Variants in EHBP1 observed in about 807,000 individuals in gnomAD.
EHBP1 encodes EH domain-binding protein 1.
In EHBP1, 55 loss-of-function variants were observed where a neutral mutation model predicts 144.0. That is an observed-to-expected ratio of 0.38 (90% CI 0.31 to 0.48). EHBP1 has a LOEUF of 0.48. Among genes scored for constraint, EHBP1 ranks in the 20% least tolerant of loss-of-function variants. The probability of loss-of-function intolerance (pLI) is 0.98; values close to 1 mark genes in which losing one functional copy is unlikely to be tolerated. For synonymous variants in EHBP1, 469 were observed against 472.7 expected, an observed-to-expected ratio of 0.99 and a Z score of 0.10; for missense variants, 1,200 against 1,364.2, an observed-to-expected ratio of 0.88 and a Z score of 1.90.
intron 5 of EHBP1, among the ~76,000 whole-genome samples, chr2:62,780,844 A>T (rs1239679196): frequency 6.6e-6 from 1 of 152,212 alleles, no homozygotes; most frequent in African/African-American, 2.4e-5. Flanking sequence ...TACTGTTTTC[A>T]TACTATTACA....
At chr2:62,738,070 C>CT (rs1401257039) in intron 2 of EHBP1, among the ~76,000 whole-genome samples, 2 of 151,884 alleles carry the variant, frequency 1.3e-5, no homozygotes, top group South Asian at 2.1e-4. Flanking sequence ...TGGCCTTTGT[C>CT]TTTTTTTTAG....
At chr2:62,951,508 A>C (rs988216258) in intron 13 of EHBP1, among the ~76,000 whole-genome samples, 8 of 142,618 alleles carry the variant, frequency 5.6e-5, no homozygotes, top group African/African-American at 2.0e-4. Flanking sequence ...GTCATATTCA[A>C]TACAAATTTT....
chr2:62,994,817 G>T (rs1192477375), intron 18 of EHBP1, among the ~76,000 whole-genome samples: 4 of 152,072 alleles, frequency 2.6e-5, no homozygotes, highest in Non-Finnish European at 4.4e-5. Context: ...CCTGGAAAGG[G>T]ATGAGCTAGA....
intron 15 of EHBP1, among the ~76,000 whole-genome samples, chr2:62,989,063 G>C (rs1223313856): frequency 6.6e-6 from 1 of 152,080 alleles, no homozygotes; most frequent in Non-Finnish European, 1.5e-5. Context: ...TTGCTAAATA[G>C]AAGTCAGTAT....
At chr2:62,804,383 G>A (rs759200052) in intron 5 of EHBP1, among the ~76,000 whole-genome samples, 6 of 152,160 alleles carry the variant, frequency 3.9e-5, no homozygotes, top group African/African-American at 7.2e-5. Flanking sequence ...TCAGTAAATG[G>A]TACTGGGACT....
chr2:62,782,078 C>T (rs2042461534), intron 5 of EHBP1, among the ~76,000 whole-genome samples: 2 of 152,192 alleles, frequency 1.3e-5, no homozygotes, highest in Non-Finnish European at 2.9e-5. Context: ...AACTCTGAAA[C>T]CCATGCATTT....
intron 3 of EHBP1, among the ~76,000 whole-genome samples, chr2:62,751,895 T>A (rs1435437233): frequency 3.3e-5 from 5 of 152,214 alleles, no homozygotes; most frequent in African/African-American, 1.2e-4. Flanking sequence ...TTAGTCTTGC[T>A]AGCGGTCTAT....
At chr2:62,850,807 G>A (rs937675002) in intron 7 of EHBP1, among the ~76,000 whole-genome samples, 3 of 151,912 alleles carry the variant, frequency 2.0e-5, no homozygotes, top group South Asian at 2.1e-4. Flanking sequence ...AATTTTTTCC[G>A]ATTGTAAAAG....
intron 19 of EHBP1, among the ~76,000 whole-genome samples, chr2:63,000,624 G>C (rs1393045347): frequency 1.3e-5 from 2 of 152,102 alleles, no homozygotes; most frequent in African/African-American, 2.4e-5. Flanking sequence ...TTGAACCTGG[G>C]TAGCGGAGGT....
intron 14 of EHBP1, among the ~76,000 whole-genome samples, chr2:62,957,004 C>G (rs1469966450): frequency 1.3e-5 from 2 of 152,148 alleles, no homozygotes; most frequent in African/African-American, 4.8e-5. Context: ...TATGATCTAG[C>G]TTTTCTTAAA....
In EHBP1 at chr2:62,707,026, T is replaced by C; in HGVS notation, c.-166T>C. 1 of 592,492 alleles carries C rather than the reference T, an allele frequency of 1.7e-6. No individual in the cohort carries two copies. The highest frequency in any genetic ancestry group is 2.9e-5 in the East Asian group (1 of 34,054). 36.7% of individuals were successfully genotyped at this position (592,492 alleles called of 1,614,324 possible). ...TGGGCCATTCATCTAAGATGGGATT[T>C]ACCCTGTGAAACAGGGAGAAGACTT... On this transcript the variant is annotated 5_prime_UTR_variant, in exon 2 of 23. Transcript: ENST00000431489.
At chr2:62,801,527 A>T (rs1233531232) in intron 5 of EHBP1, among the ~76,000 whole-genome samples, 1 of 152,208 alleles carries the variant, frequency 6.6e-6, no homozygotes, top group Non-Finnish European at 1.5e-5. Context: ...AATGCATTTG[A>T]TCAACATTTA....
At chr2:63,025,297 T>G (rs1208729327) in intron 19 of EHBP1, among the ~76,000 whole-genome samples, 2 of 152,206 alleles carry the variant, frequency 1.3e-5, no homozygotes, top group Admixed American at 1.3e-4. Context: ...GGTTTTGATC[T>G]GTCACCCAGG....
At chr2:62,904,858 A>G (rs1391255750) in intron 10 of EHBP1, among the ~76,000 whole-genome samples, 1 of 152,146 alleles carries the variant, frequency 6.6e-6, no homozygotes, top group Non-Finnish European at 1.5e-5. Flanking sequence ...GTGTCTTACC[A>G]TATGCTAGGA....
At chr2:62,771,525 A>G in intron 5 of EHBP1, 133 bp downstream of exon 5, 1 of 622,584 alleles carries the variant, frequency 1.6e-6, no homozygotes, top group Non-Finnish European at 2.7e-6. Context: ...AGCTTTTAGA[A>G]TGTTTTTAAT....
chr2:62,929,332 C>CATACT (rs1017952663), intron 10 of EHBP1, among the ~76,000 whole-genome samples: 10 of 152,132 alleles, frequency 6.6e-5, no homozygotes, highest in African/African-American at 1.9e-4. Context: ...TCCTCAATGT[C>CATACT]ATACTAGCAA....
At chr2:62,841,030 G>A (rs910965344) in intron 7 of EHBP1, among the ~76,000 whole-genome samples, 3 of 152,056 alleles carry the variant, frequency 2.0e-5, no homozygotes, top group East Asian at 3.9e-4. Flanking sequence ...GCTATAAAGA[G>A]ACATGCACAC....
chr2:62,944,925 C>G (rs936436140), intron 12 of EHBP1, among the ~76,000 whole-genome samples: 6 of 152,214 alleles, frequency 3.9e-5, no homozygotes, highest in Non-Finnish European at 1.5e-5. Context: ...AACAGGAGTT[C>G]TTAACCTGTG....
intron 5 of EHBP1, among the ~76,000 whole-genome samples, chr2:62,811,467 T>G (rs996497970): frequency 2.0e-5 from 3 of 152,206 alleles, no homozygotes; most frequent in African/African-American, 7.2e-5. Context: ...TTTTTATCAT[T>G]TGACAGTAGA....
Sources: allele counts gnomAD v4.1 joint callset (sites outside exome capture counted in the v4.1 genomes callset), GRCh38; gene constraint gnomAD v4.1.1; transcripts MANE v1.5; gene names NCBI Gene and HGNC (gene_info 2026-07-23, HGNC 2026-07-21).